The following VAV1 variants were observed in gnomAD, a reference collection of about 807,000 sequenced individuals.
VAV1 encodes vav guanine nucleotide exchange factor 1.
A neutral mutation model predicts 128.1 loss-of-function variants in VAV1; 33 were observed. That is an observed-to-expected ratio of 0.26 (90% CI 0.20 to 0.34). The LOEUF is 0.34. Ranked by LOEUF, VAV1 falls within the 10% of genes least tolerant of loss-of-function variation. The pLI is 1.00. For missense variants in VAV1, 715 were observed against 1,093.7 expected, an observed-to-expected ratio of 0.65 and a Z score of 4.88; for synonymous variants, 394 against 409.8, an observed-to-expected ratio of 0.96 and a Z score of 0.47.
At chr19:6,825,489 C>A in intron 8 of VAV1, 83 bp downstream of exon 8, 1 of 1,196,634 alleles carries the variant, frequency 8.4e-7, no homozygotes, top group Non-Finnish European at 1.2e-6. Flanking sequence ...TACCCTCAGA[C>A]ACCACTGGAC....
chr19:6,851,298 G>A lies in VAV1; in HGVS notation c.2217+541G>A, dbSNP rs909388740. Among the ~76,000 whole-genome samples the A allele has an allele frequency of 4.6e-5, 7 of 151,796 alleles. No homozygotes were observed. In the South Asian group the frequency reaches 1.5e-3, roughly 32 times the overall value. Reference sequence around the variant, plus strand: ...AAATAATCTCTCGCCTCAGCCTCCCGAGCAGCTGGTACTATAGGCATGCAC... The same window carrying A: ...AAATAATCTCTCGCCTCAGCCTCCCAAGCAGCTGGTACTATAGGCATGCAC... On this transcript the variant is annotated intron_variant, in intron 24 of 26. Transcript: ENST00000602142.
intron 1 of VAV1, among the ~76,000 whole-genome samples, chr19:6,814,665 TTCCTTC>T (rs1971586175): frequency 8.6e-5 from 7 of 81,838 alleles, no homozygotes; most frequent in East Asian, 6.1e-4. Flanking sequence ...CCTTCCTTCC[TTCCTTC>T]CTTTCTTTCT....
chr19:6,782,846 G>A (rs547032240), intron 1 of VAV1, among the ~76,000 whole-genome samples: 4 of 151,464 alleles, frequency 2.6e-5, no homozygotes, highest in Non-Finnish European at 5.9e-5. Context: ...TCGCGCCGCT[G>A]CAGTCCAGCC....
At chr19:6,834,807 C>T (rs1972179910) in intron 19 of VAV1, among the ~76,000 whole-genome samples, 1 of 150,574 alleles carries the variant, frequency 6.6e-6, no homozygotes, top group African/African-American at 2.4e-5. Context: ...ATTTATATGA[C>T]ATATAAATAT....
rs527798093 is a variant in VAV1 at position 6,834,523 on chromosome 19, G to A, written c.1777+570G>A. ...CTCCCAAAGTGCTGGGATTACAAGC[G>A]TGAGCCACTGTGCCCAGCCTTAATT... On this transcript the variant is annotated intron_variant, in intron 19 of 26. Transcript: ENST00000602142. Among the ~76,000 whole-genome samples, 4 of 150,400 alleles carry A rather than the reference G, an allele frequency of 2.7e-5. No homozygotes were observed. The East Asian group carries it at 7.8e-4, about 29-fold the overall frequency.
At position 6,842,748 on chromosome 19, in the gene VAV1, C is replaced by T. The variant is rs559838721; in HGVS notation, c.1981-387C>T. ...ACTTGGGAGGCTGAGGTGAGAGGAT[C>T]GCTTGAACCTGGGAGATCGAGGCTG... On this transcript the variant is annotated intron_variant, in intron 21 of 26. Coordinates refer to ENST00000602142, the MANE Select transcript of VAV1 (RefSeq NM_005428.4). 5.9e-5 allele frequency among the ~76,000 whole-genome samples: 9 copies of T among 152,102 alleles called. No homozygotes were observed. The East Asian group carries it at 1.7e-3, about 29-fold the overall frequency.
In VAV1 at chr19:6,818,085, G is replaced by C. The variant is rs151291596; in HGVS notation, c.205-2617G>C. 2.0e-5 allele frequency among the ~76,000 whole-genome samples: 3 copies of C among 152,156 alleles called. No individual in the cohort carries two copies. In the East Asian group the frequency reaches 5.8e-4, roughly 29 times the overall value. Reference sequence around the variant, plus strand: ...TTCTCTCACTTCCACCTCCCAACGTGCTGGGATTACAGGTGTGCACCACCA... The same window carrying C: ...TTCTCTCACTTCCACCTCCCAACGTCCTGGGATTACAGGTGTGCACCACCA... On this transcript the variant is annotated intron_variant, in intron 1 of 26. Coordinates refer to ENST00000602142, the MANE Select transcript of VAV1 (RefSeq NM_005428.4).
chr19:6,788,094 C>A (rs961540999), intron 1 of VAV1, among the ~76,000 whole-genome samples: 1 of 151,510 alleles, frequency 6.6e-6, no homozygotes, highest in Non-Finnish European at 1.5e-5. Flanking sequence ...AACAAACAAA[C>A]AAAAAAACAT....
intron 21 of VAV1, among the ~76,000 whole-genome samples, chr19:6,838,440 TATC>T (rs1385911747): frequency 7.3e-6 from 1 of 137,010 alleles, no homozygotes; most frequent in African/African-American, 3.3e-5. Context: ...TCCATCCATC[TATC>T]ATCTATCTAC....
intron 1 of VAV1, among the ~76,000 whole-genome samples, chr19:6,794,300 T>C (rs1809134939): frequency 1.3e-5 from 2 of 152,022 alleles, no homozygotes; most frequent in Admixed American, 1.3e-4. Context: ...GGGCCTTAGG[T>C]TGTAACAGCA....
chr19:6,805,456 A>C (rs914376109), intron 1 of VAV1, among the ~76,000 whole-genome samples: 1 of 151,134 alleles, frequency 6.6e-6, no homozygotes, highest in African/African-American at 2.4e-5. Context: ...AAACAAAGAA[A>C]ATAGACCAGT....
chr19:6,816,017 A>AT (rs1157742259), intron 1 of VAV1, among the ~76,000 whole-genome samples: 13,446 of 133,690 alleles, frequency 0.1, 2,111 homozygotes, highest in African/African-American at 0.33. Context: ...GTCTCTACAA[A>AT]TTTTTTTTTT....
rs758500473 is a variant in VAV1, at chr19:6,838,224, A to ATC, written c.1980+1175_1980+1176insCT. ...CTATCTACCCATCTATTATCTATCT[A>ATC]TATCATCATCATCATCATCAATCTT... On this transcript the variant is annotated intron_variant, in intron 21 of 26. Coordinates refer to ENST00000602142, the MANE Select transcript of VAV1 (RefSeq NM_005428.4). Among the ~76,000 whole-genome samples the ATC allele has an allele frequency of 4.3e-3, 613 of 143,160 alleles. 4 individuals carry two copies. The highest frequency in any genetic ancestry group is 0.021 in the Middle Eastern group (6 of 290). 93.9% of individuals were successfully genotyped at this position (143,160 alleles called of 152,430 possible). A position where few individuals can be genotyped will look rare whatever the true frequency, so the allele number is the denominator to read the frequency against.
Position 6,828,807 on chromosome 19 carries a change from C to T in VAV1, c.1180-8C>T. The T allele has an allele frequency of 1.2e-6, 2 of 1,614,186 alleles. No homozygotes were observed. Among genetic ancestry groups the T allele is most frequent in the Non-Finnish European group, 1.7e-6 (2 of 1,180,032 alleles). On this transcript the variant is annotated splice_region_variant and splice_polypyrimidine_tract_variant and intron_variant, in intron 12 of 26. Coordinates refer to ENST00000602142, the MANE Select transcript of VAV1 (RefSeq NM_005428.4). The surrounding 1 kb of genome is among the most constrained non-coding windows in gnomAD (Gnocchi z 4.5). The stretch of plus-strand genomic sequence containing the variant: ...AGACCCTTGCTAGACCCCCTGCCTA[C>T]TGCATAGGACCAGTCTCTGGCTCAC...
chr19:6,829,198 C>T (rs982561627), intron 13 of VAV1, among the ~76,000 whole-genome samples: 3 of 150,184 alleles, frequency 2.0e-5, no homozygotes, highest in East Asian at 2.0e-4. Context: ...CAACACAGAT[C>T]TGGGTGGAGC....
intron 16 of VAV1, 79 bp from the exon 17 acceptor site, chr19:6,833,449 C>A: frequency 3.4e-6 from 5 of 1,449,630 alleles, no homozygotes; most frequent in Non-Finnish European, 3.7e-6. Context: ...CCCAAGGGGT[C>A]CCTTTATGTT....
chr19:6,831,815 G>A (rs1381483520), intron 14 of VAV1, among the ~76,000 whole-genome samples: 1 of 152,070 alleles, frequency 6.6e-6, no homozygotes, highest in Non-Finnish European at 1.5e-5. Flanking sequence ...TCGATGATGA[G>A]TGACATGCTG....
chr19:6,797,533 G>C (rs1971164169), intron 1 of VAV1, among the ~76,000 whole-genome samples: 1 of 151,672 alleles, frequency 6.6e-6, no homozygotes, highest in Non-Finnish European at 1.5e-5. Flanking sequence ...GTAAAACCCA[G>C]TCTCTACTAA....
chr19:6,833,705 C>T lies in VAV1; in HGVS notation c.1709-6C>T, dbSNP rs1972148985. ...CGTTCTCACCATTTCCTTTACCCTC[C>T]CGTAGATTTCCCAGGAACTATGAAG... is the stretch of plus-strand genomic sequence containing the variant. On this transcript the variant is annotated splice_region_variant and splice_polypyrimidine_tract_variant and intron_variant, in intron 17 of 26. Coordinates refer to ENST00000602142, the MANE Select transcript of VAV1 (RefSeq NM_005428.4). The T allele has an allele frequency of 3.1e-6, 5 of 1,613,966 alleles. No homozygotes were observed. The highest frequency in any genetic ancestry group is 1.1e-5 in the South Asian group (1 of 91,088).
Sources: allele counts gnomAD v4.1 joint callset (sites outside exome capture counted in the v4.1 genomes callset), GRCh38; gene constraint gnomAD v4.1.1; non-coding constraint Gnocchi (gnomAD v3.1); transcripts MANE v1.5; gene names NCBI Gene and HGNC (gene_info 2026-07-23, HGNC 2026-07-21).